Variants in EPM2A observed in about 807,000 individuals in gnomAD.
The protein encoded by EPM2A is EPM2A glucan phosphatase, laforin, also known as laforin.
A neutral mutation model predicts 26.5 loss-of-function variants in EPM2A; 21 were observed. That is an observed-to-expected ratio of 0.79 (90% CI 0.56 to 1.14). The LOEUF (loss-of-function observed/expected upper bound fraction) is 1.14, where lower values mean the gene tolerates loss of function less well. Ranked by LOEUF, EPM2A falls within the 50% of genes most tolerant of loss-of-function variation. The probability of loss-of-function intolerance (pLI) is 0.00; values close to 1 mark genes in which losing one functional copy is unlikely to be tolerated. For synonymous variants in EPM2A, 217 were observed against 177.6 expected (o/e 1.22, Z -1.76); for missense variants, 458 against 440.8 (o/e 1.04, Z -0.35).
At chr6:145,584,866 G>A (rs1327906091) in intron 2 of EPM2A, among the ~76,000 whole-genome samples, 1 of 152,070 alleles carries the variant, frequency 6.6e-6, no homozygotes. Context: ...CCAATGTCCT[G>A]GTCCCTCCAT....
chr6:145,423,706 G>A (rs1778818730), intron 4 of EPM2A, among the ~76,000 whole-genome samples: 1 of 152,166 alleles, frequency 6.6e-6, no homozygotes, highest in African/African-American at 2.4e-5. Flanking sequence ...GCAATAGACA[G>A]CATAGCTAGT....
At chr6:145,600,122 T>C (rs537524580) in intron 2 of EPM2A, among the ~76,000 whole-genome samples, 2 of 152,342 alleles carry the variant, frequency 1.3e-5, no homozygotes, top group African/African-American at 2.4e-5. Flanking sequence ...TTATTTTTCA[T>C]GTGGACAGCC....
intron 2 of EPM2A, among the ~76,000 whole-genome samples, chr6:145,508,573 T>TA (rs34094987): frequency 6.6e-6 from 1 of 151,386 alleles, no homozygotes. Context: ...AAAATAACAA[T>TA]AAAAAAATCA....
intron 4 of EPM2A, among the ~76,000 whole-genome samples, chr6:145,476,486 C>T (rs961994167): frequency 2.0e-5 from 3 of 152,020 alleles, no homozygotes; most frequent in African/African-American, 7.2e-5. Context: ...CATCTGAGAG[C>T]TTAAGAATAC....
chr6:145,413,616 T>C (rs1273556327), intron 4 of EPM2A, among the ~76,000 whole-genome samples: 2 of 152,148 alleles, frequency 1.3e-5, no homozygotes, highest in Non-Finnish European at 2.9e-5. Context: ...TGTTATGTTC[T>C]TACTGTGATG....
At chr6:145,500,684 C>A (rs531153477), downstream of EPM2A, among the ~76,000 whole-genome samples, 1 of 152,298 alleles carries the variant, frequency 6.6e-6, no homozygotes, top group African/African-American at 2.4e-5. Flanking sequence ...TTATGAAGCT[C>A]CCCCACTGTG....
At chr6:145,676,184 A>C (rs948522588) in intron 2 of EPM2A, among the ~76,000 whole-genome samples, 4 of 152,294 alleles carry the variant, frequency 2.6e-5, no homozygotes, top group African/African-American at 4.8e-5. Context: ...CTACTGGATA[A>C]ATAATGAAAT....
At chr6:145,433,616 A>C (rs984798068) in intron 4 of EPM2A, among the ~76,000 whole-genome samples, 2 of 152,200 alleles carry the variant, frequency 1.3e-5, no homozygotes, top group African/African-American at 4.8e-5. Flanking sequence ...CTCATAATAC[A>C]TTACAGTAAG....
intron 4 of EPM2A, among the ~76,000 whole-genome samples, chr6:145,484,776 T>C (rs548547799): frequency 5.9e-4 from 89 of 151,772 alleles, no homozygotes; most frequent in African/African-American, 2.1e-3. Flanking sequence ...TTAAAGAAGA[T>C]CTATTCAACA....
At chr6:145,599,212 T>C (rs1781385807) in intron 2 of EPM2A, among the ~76,000 whole-genome samples, 1 of 152,212 alleles carries the variant, frequency 6.6e-6, no homozygotes, top group South Asian at 2.1e-4. Flanking sequence ...ATAATCATGT[T>C]AATGATATTG....
chr6:145,519,116 A>G (rs1229145679), intron 2 of EPM2A, among the ~76,000 whole-genome samples: 3 of 152,218 alleles, frequency 2.0e-5, no homozygotes, highest in Non-Finnish European at 4.4e-5. Context: ...TATAAATGTC[A>G]TAAGGTGAAG....
chr6:145,535,804 T>G (rs897037448), intron 2 of EPM2A, among the ~76,000 whole-genome samples: 5 of 152,248 alleles, frequency 3.3e-5, no homozygotes, highest in African/African-American at 1.2e-4. Flanking sequence ...GGTGTTTGCT[T>G]CTTCTGATAA....
Position 145,625,628 on chromosome 6 carries a change from T to C in EPM2A, c.*1788A>G, listed in dbSNP as rs149351552. ...CCTGAATACCAATTATTACCTCTAG[T>C]TATTTTTAGCAAGGGAGCTGGACTT... is the stretch of plus-strand genomic sequence containing the variant. On this transcript the variant is annotated 3_prime_UTR_variant, in exon 4 of 4. Transcript: ENST00000367519. 8.3e-6 allele frequency: 6 copies of C among 720,060 alleles called. No individual in the cohort carries two copies. Among genetic ancestry groups the C allele is most frequent in the Admixed American group, 2.0e-5 (1 of 50,148 alleles). 44.6% of individuals were successfully genotyped at this position (720,060 alleles called of 1,614,324 possible).
At chr6:145,390,955 T>A (rs184019631) in intron 4 of EPM2A, among the ~76,000 whole-genome samples, 1 of 152,128 alleles carries the variant, frequency 6.6e-6, no homozygotes, top group South Asian at 2.1e-4. Flanking sequence ...TTGTTTGTCT[T>A]TGCCCAGAGG....
intron 4 of EPM2A, among the ~76,000 whole-genome samples, chr6:145,485,732 C>A (rs1209854976): frequency 6.6e-6 from 1 of 152,082 alleles, no homozygotes; most frequent in Non-Finnish European, 1.5e-5. Flanking sequence ...TAAAGACATA[C>A]CCAAGACTGG....
intron 2 of EPM2A, among the ~76,000 whole-genome samples, chr6:145,573,625 T>A (rs980149574): frequency 3.9e-5 from 6 of 152,206 alleles, no homozygotes; most frequent in African/African-American, 1.4e-4. Context: ...AATATTGTTT[T>A]CGATTTACTA....
At chr6:145,605,827 CAGT>C (rs1376955168) in intron 2 of EPM2A, among the ~76,000 whole-genome samples, 5 of 152,022 alleles carry the variant, frequency 3.3e-5, no homozygotes, top group Admixed American at 6.6e-5. Flanking sequence ...CTTTCAGACT[CAGT>C]AGAAATAATT....
chr6:145,642,184 T>C (rs1203211805), intron 2 of EPM2A, among the ~76,000 whole-genome samples: 1 of 152,200 alleles, frequency 6.6e-6, no homozygotes, highest in Non-Finnish European at 1.5e-5. Flanking sequence ...TTGGTTACCT[T>C]GATACAGATT....
At chr6:145,733,804 T>G in intron 1 of EPM2A, among the ~76,000 whole-genome samples, 1 of 152,142 alleles carries the variant, frequency 6.6e-6, no homozygotes, top group Non-Finnish European at 1.5e-5. Flanking sequence ...CACATTCCAC[T>G]CTAATCTTCT....
Sources: allele counts gnomAD v4.1 joint callset (sites outside exome capture counted in the v4.1 genomes callset), GRCh38; gene constraint gnomAD v4.1.1; transcripts MANE v1.5; gene names NCBI Gene and HGNC (gene_info 2026-07-23, HGNC 2026-07-21).